LAMA2: variants seen among roughly 807,000 people sequenced by gnomAD.
LAMA2 encodes laminin subunit alpha-2.
Under a neutral mutation model 364.8 loss-of-function variants are expected in LAMA2, and 269 were observed. The observed-to-expected ratio is 0.74, with a 90% CI of 0.67 to 0.82. The LOEUF (loss-of-function observed/expected upper bound fraction) is 0.82. LAMA2 is among the 40% of genes least tolerant of loss of function. The pLI is 0.00. For synonymous variants in LAMA2, 1,379 were observed against 1,370.6 expected (o/e 1.01, Z -0.14); for missense variants, 3,807 against 3,873.2 (o/e 0.98, Z 0.45).
intron 1 of LAMA2, among the ~76,000 whole-genome samples, chr6:128,955,553 T>C (rs1320634910): frequency 1.3e-5 from 2 of 151,932 alleles, no homozygotes; most frequent in Admixed American, 1.3e-4. Flanking sequence ...TTTTTAAAAA[T>C]AGAATAAAAT....
intron 20 of LAMA2, among the ~76,000 whole-genome samples, chr6:129,294,717 C>T (rs886321875): frequency 2.6e-5 from 4 of 152,158 alleles, no homozygotes; most frequent in African/African-American, 9.7e-5. Context: ...TAAAATTCCA[C>T]ACTGTAGGTT....
intron 12 of LAMA2, among the ~76,000 whole-genome samples, chr6:129,229,839 G>A (rs1435382319): frequency 1.3e-5 from 2 of 152,242 alleles, no homozygotes; most frequent in Non-Finnish European, 1.5e-5. Context: ...GATTTAGATG[G>A]GGAAGACTGT....
chr6:129,475,162 C>G (rs896012483), intron 52 of LAMA2, among the ~76,000 whole-genome samples: 12 of 151,978 alleles, frequency 7.9e-5, no homozygotes, highest in African/African-American at 2.7e-4. Context: ...ATTTTCCAAG[C>G]TGATATTGTG....
chr6:129,322,261 A>T (rs888871420), intron 28 of LAMA2, among the ~76,000 whole-genome samples: 4 of 152,220 alleles, frequency 2.6e-5, no homozygotes, highest in Non-Finnish European at 5.9e-5. Flanking sequence ...CTATTTATAC[A>T]CACACTAGTA....
intron 2 of LAMA2, among the ~76,000 whole-genome samples, chr6:129,055,614 A>G (rs569773954): frequency 1.3e-5 from 2 of 152,364 alleles, no homozygotes; most frequent in African/African-American, 4.8e-5. Context: ...CTGCATGAAT[A>G]TATTTTAGTA....
At chr6:129,160,002 G>A (rs981450060) in intron 8 of LAMA2, among the ~76,000 whole-genome samples, 2 of 152,062 alleles carry the variant, frequency 1.3e-5, no homozygotes, top group African/African-American at 4.8e-5. Context: ...TGATTCAATT[G>A]ACTAATGTTT....
In LAMA2 at chr6:129,401,216, G is replaced by T. The variant is rs377089476; in HGVS notation, c.5446-8G>T. 5.9e-6 allele frequency: 9 copies of T among 1,518,932 alleles called. No homozygotes were observed. The African/African-American group carries it at 8.3e-5, about 14-fold the overall frequency. 94.1% of individuals were successfully genotyped at this position (1,518,932 alleles called of 1,614,324 possible). ...CAATTTTGATGTCTTGTTCATAATG[G>T]TCTACAGAAAAAGAAGGAGGCTGTT... On this transcript the variant is annotated splice_region_variant and splice_polypyrimidine_tract_variant and intron_variant, in intron 37 of 64. Coordinates refer to ENST00000421865, the MANE Select transcript of LAMA2 (RefSeq NM_000426.4).
At chr6:128,923,743 G>A (rs1778901174) in intron 1 of LAMA2, among the ~76,000 whole-genome samples, 1 of 152,106 alleles carries the variant, frequency 6.6e-6, no homozygotes, top group African/African-American at 2.4e-5. Context: ...CTGCAGGAAT[G>A]AATAAACCCC....
At chr6:129,382,230 A>G (rs1234386715) in intron 34 of LAMA2, among the ~76,000 whole-genome samples, 2 of 152,230 alleles carry the variant, frequency 1.3e-5, no homozygotes, top group Non-Finnish European at 2.9e-5. Flanking sequence ...AAAAGAGAAG[A>G]AGGCTTATAT....
At chr6:129,293,422 A>C (rs1291294509) in intron 20 of LAMA2, among the ~76,000 whole-genome samples, 2 of 152,214 alleles carry the variant, frequency 1.3e-5, no homozygotes, top group Non-Finnish European at 2.9e-5. Context: ...TGAACAAATG[A>C]AGGAAAATCT....
At chr6:128,928,941 A>C (rs1387991408) in intron 1 of LAMA2, 2 of 847,096 alleles carry the variant, frequency 2.4e-6, no homozygotes, top group Non-Finnish European at 4.0e-6. Context: ...ACAACAGATA[A>C]GGGAGTAGAG....
intron 1 of LAMA2, among the ~76,000 whole-genome samples, chr6:128,944,713 A>G (rs1456561687): frequency 2.0e-5 from 3 of 152,196 alleles, no homozygotes; most frequent in Non-Finnish European, 4.4e-5. Flanking sequence ...CAGGAAGCAC[A>G]ACAGCATCTG....
intron 15 of LAMA2, 139 bp from the exon 16 acceptor site, chr6:129,266,967 A>G: frequency 1.3e-6 from 1 of 742,368 alleles, no homozygotes; most frequent in Non-Finnish European, 2.5e-6. Flanking sequence ...CAATGTTTCA[A>G]TAATGGCAAT....
chr6:129,068,479 A>G (rs1030746464), intron 3 of LAMA2, among the ~76,000 whole-genome samples: 1 of 152,208 alleles, frequency 6.6e-6, no homozygotes, highest in Non-Finnish European at 1.5e-5. Context: ...GTAGCCTCAC[A>G]TGGCAGAAGG....
chr6:129,314,527 A>G, intron 23 of LAMA2, 128 bp from the exon 24 acceptor site: 1 of 780,170 alleles, frequency 1.3e-6, no homozygotes, highest in Non-Finnish European at 2.2e-6. Context: ...ATGTGAGTCT[A>G]ATACTCAGTG....
chr6:129,217,883 T>C (rs775724216), intron 12 of LAMA2, among the ~76,000 whole-genome samples: 3 of 152,074 alleles, frequency 2.0e-5, no homozygotes, highest in Non-Finnish European at 2.9e-5. Flanking sequence ...CAAATACAAA[T>C]GGGTCTTGTG....
chr6:128,981,336 C>T (rs1198719300), intron 1 of LAMA2, among the ~76,000 whole-genome samples: 7 of 152,092 alleles, frequency 4.6e-5, no homozygotes, highest in Non-Finnish European at 8.8e-5. Flanking sequence ...CCAGGATAAA[C>T]GTGAAACTCC....
Position 129,491,940 on chromosome 6 carries a change from G to A in LAMA2, c.7938G>A (p.Met2646Ile). 1 of 1,613,808 alleles carries A rather than the reference G, an allele frequency of 6.2e-7. No individual in the cohort carries two copies. The highest frequency in any genetic ancestry group is 8.5e-7 in the Non-Finnish European group (1 of 1,179,766). The change falls in exon 57 of 65, where the codon ATG becomes ATA. Residue 2646 changes from methionine to isoleucine, a missense_variant. Met to Ile is a conservative substitution (Grantham distance 10). Coordinates refer to ENST00000421865, the MANE Select transcript of LAMA2 (RefSeq NM_000426.4). Reference sequence around the variant, plus strand: ...AAGTGGATGAAAACAGAAGATACATGCAAAACCTGACAGTTGAACAGCCTA... The same window carrying A: ...AAGTGGATGAAAACAGAAGATACATACAAAACCTGACAGTTGAACAGCCTA... Reference protein sequence around the residue: ...TVQVDENRRYMQNLTVEQPIE... With the variant: ...TVQVDENRRYIQNLTVEQPIE...
chr6:128,961,763 T>C (rs906204466), intron 1 of LAMA2, among the ~76,000 whole-genome samples: 6 of 151,938 alleles, frequency 3.9e-5, no homozygotes, highest in Non-Finnish European at 8.8e-5. Flanking sequence ...ATCAATACTT[T>C]GTATTCTTCA....
Sources: gnomAD v4.1 joint callset for allele counts (sites outside exome capture counted in the v4.1 genomes callset) on GRCh38, gnomAD v4.1.1 for gene constraint, MANE v1.5 for transcripts, NCBI Gene and HGNC (gene_info 2026-07-23, HGNC 2026-07-21) for gene names.